The following MCU variants were observed in gnomAD, a reference collection of about 807,000 sequenced individuals.
MCU encodes calcium uniporter protein, mitochondrial.
A neutral mutation model predicts 45.2 loss-of-function variants in MCU; 12 were observed. The ratio of observed to expected loss-of-function variants is 0.27; its 90% CI spans 0.17 to 0.43. MCU has a LOEUF of 0.43. Among genes scored for constraint, MCU ranks in the 20% least tolerant of loss-of-function variants. The pLI is 1.00. For missense variants in MCU, 324 were observed against 436.7 expected (o/e 0.74, Z 2.30); for synonymous variants, 160 against 165.1 (o/e 0.97, Z 0.24).
intron 1 of MCU, among the ~76,000 whole-genome samples, chr10:72,780,662 G>A (rs1699768266): frequency 2.6e-5 from 4 of 151,938 alleles, no homozygotes; most frequent in Admixed American, 1.3e-4. Context: ...TGATTTAGAT[G>A]AAGTCACTCA....
Position 72,776,202 on chromosome 10 carries a change from C to T in MCU, c.151-58157C>T, listed in dbSNP as rs186448443. Among the ~76,000 whole-genome samples the T allele has an allele frequency of 5.0e-3, 753 of 151,802 alleles. 2 individuals are homozygous for T. The highest frequency in any genetic ancestry group is 7.7e-3 in the Non-Finnish European group (522 of 67,920). On this transcript the variant is annotated intron_variant, in intron 1 of 7. Coordinates refer to ENST00000373053, the MANE Select transcript of MCU (RefSeq NM_138357.3). ...AAAAAAAATTGAAGAGGAGATAATACTTTCAACCTTATTCTATGAGGCCAG... is the reference window on the plus strand; with the variant it reads ...AAAAAAAATTGAAGAGGAGATAATATTTTCAACCTTATTCTATGAGGCCAG...
At position 72,795,567 on chromosome 10, in the gene MCU, A is replaced by T. The variant is rs1048500850; in HGVS notation, c.151-38792A>T. Among the ~76,000 whole-genome samples, 5 of 152,344 alleles carry T rather than the reference A, an allele frequency of 3.3e-5. No individual in the cohort carries two copies. In the South Asian group the frequency reaches 1.0e-3, roughly 32 times the overall value. On this transcript the variant is annotated intron_variant, in intron 1 of 7. Transcript: ENST00000373053. ...TGATATAATTTCTGGGACTTATATC[A>T]GCAATATATTAGTGGGGGAAATGGA...
intron 1 of MCU, among the ~76,000 whole-genome samples, chr10:72,741,960 G>A (rs764625285): frequency 6.7e-5 from 10 of 150,144 alleles, no homozygotes; most frequent in South Asian, 2.1e-4. Flanking sequence ...CCCGGGAGGC[G>A]GAGCTTGTAG....
chr10:72,768,511 A>G (rs1843759825), intron 1 of MCU, among the ~76,000 whole-genome samples: 1 of 152,232 alleles, frequency 6.6e-6, no homozygotes, highest in Admixed American at 6.5e-5. Flanking sequence ...AATATTGTGT[A>G]TCTATACAGT....
chr10:72,869,814 G>T (rs1360311454), intron 5 of MCU, among the ~76,000 whole-genome samples: 3 of 151,984 alleles, frequency 2.0e-5, no homozygotes, highest in African/African-American at 4.8e-5. Flanking sequence ...GGTTTGGGGG[G>T]TATCCGGGAA....
chr10:72,746,071 T>G (rs1454802605), intron 1 of MCU, among the ~76,000 whole-genome samples: 1 of 152,226 alleles, frequency 6.6e-6, no homozygotes, highest in African/African-American at 2.4e-5. Flanking sequence ...TCTTTGCTGT[T>G]TGGTGGTAGT....
intron 1 of MCU, among the ~76,000 whole-genome samples, chr10:72,696,161 C>CA (rs58694098): frequency 0.21 from 5,737 of 27,482 alleles, 373 homozygotes; most frequent in African/African-American, 0.37. Flanking sequence ...AACTCCGACT[C>CA]AAAAAAAAAA....
In MCU at chr10:72,834,365, C is replaced by G. The variant is rs1462949167; in HGVS notation, c.157C>G (p.Gln53Glu). ...RQQQHHRTVH[Q>E]RIASWQNLGA... is the part of the protein sequence containing the mutation. ...TATCTTTTGTGTTTTCTAGGTACACCAGAGGATCGCTTCCTGGCAGAATTT... is the reference window on the plus strand; with the variant it reads ...TATCTTTTGTGTTTTCTAGGTACACGAGAGGATCGCTTCCTGGCAGAATTT... Residue 53 changes from glutamine to glutamate, a missense_variant, in exon 2 of 8, where the codon CAG (glutamine) becomes GAG (glutamate). Gln to Glu is a conservative substitution (Grantham distance 29, BLOSUM62 2). Coordinates refer to ENST00000373053, the MANE Select transcript of MCU (RefSeq NM_138357.3). 2 of 1,613,350 alleles carry G rather than the reference C, an allele frequency of 1.2e-6. No homozygotes were observed. Among genetic ancestry groups the G allele is most frequent in the East Asian group, 2.2e-5 (1 of 44,846 alleles).
chr10:72,710,995 T>C (rs1313480312), intron 1 of MCU, among the ~76,000 whole-genome samples: 1 of 151,868 alleles, frequency 6.6e-6, no homozygotes, highest in Non-Finnish European at 1.5e-5. Flanking sequence ...CTGGCCAACA[T>C]CATGAAACCC....
chr10:72,863,047 A>T (rs1333751678), intron 4 of MCU, among the ~76,000 whole-genome samples: 1 of 151,842 alleles, frequency 6.6e-6, no homozygotes, highest in Non-Finnish European at 1.5e-5. Flanking sequence ...CATGTTGCCT[A>T]CTTTCTCTCC....
At chr10:72,721,435 C>T (rs577483588) in intron 1 of MCU, among the ~76,000 whole-genome samples, 1 of 152,270 alleles carries the variant, frequency 6.6e-6, no homozygotes, top group East Asian at 1.9e-4. Context: ...TTCAGCACAT[C>T]ACTGTTGAAC....
chr10:72,885,695 T>C, intron 7 of MCU, 50 bp from the exon 8 acceptor site: 1 of 1,157,372 alleles, frequency 8.6e-7, no homozygotes, highest in African/African-American at 1.5e-5. Context: ...GACAGTAATA[T>C]CATTGAAAGC....
At chr10:72,828,504 G>A (rs1020802087) in intron 1 of MCU, among the ~76,000 whole-genome samples, 2 of 151,120 alleles carry the variant, frequency 1.3e-5, no homozygotes, top group Non-Finnish European at 2.9e-5. Context: ...CTCCCCCTCA[G>A]CATTCCCCTT....
chr10:72,840,698 G>A (rs1158139330), intron 2 of MCU, among the ~76,000 whole-genome samples: 1 of 152,172 alleles, frequency 6.6e-6, no homozygotes, highest in African/African-American at 2.4e-5. Context: ...CAGAGCCTAA[G>A]TATTTTAATG....
intron 1 of MCU, among the ~76,000 whole-genome samples, chr10:72,815,354 A>G (rs1844609285): frequency 6.6e-6 from 1 of 152,254 alleles, no homozygotes; most frequent in Non-Finnish European, 1.5e-5. Context: ...TAGAGGTATA[A>G]TAGGAGAAAA....
chr10:72,709,584 T>C (rs1249495759), intron 1 of MCU, among the ~76,000 whole-genome samples: 1 of 136,720 alleles, frequency 7.3e-6, no homozygotes, highest in Admixed American at 6.8e-5. Context: ...TTTTCTGGTG[T>C]TTTTTTTTCT....
At chr10:72,714,668 C>T (rs1842936703) in intron 1 of MCU, among the ~76,000 whole-genome samples, 1 of 152,070 alleles carries the variant, frequency 6.6e-6, no homozygotes, top group African/African-American at 2.4e-5. Flanking sequence ...CCTCAGCCTC[C>T]CAAGAAGCTG....
intron 1 of MCU, among the ~76,000 whole-genome samples, chr10:72,699,462 A>G (rs1440213267): frequency 1.3e-5 from 2 of 151,990 alleles, no homozygotes; most frequent in Non-Finnish European, 2.9e-5. Flanking sequence ...AGCCGAGATC[A>G]TGCCACTGCA....
rs570259806 is a variant in MCU, at chr10:72,705,762, A to C, written c.150+13461A>C. Among the ~76,000 whole-genome samples, 6 of 152,018 alleles carry C rather than the reference A, an allele frequency of 3.9e-5. No individual in the cohort carries two copies. In the East Asian group the frequency reaches 1.2e-3, roughly 29 times the overall value. On this transcript the variant is annotated intron_variant, in intron 1 of 7. Transcript: ENST00000373053. ...GAACCCAGAGGTGAAGGTTGCAGTG[A>C]GCTGAGATTGAGCCATTGCACTCCA... is the stretch of plus-strand genomic sequence containing the variant.
Sources: gnomAD v4.1 joint callset for allele counts (sites outside exome capture counted in the v4.1 genomes callset) on GRCh38, gnomAD v4.1.1 for gene constraint, MANE v1.5 for transcripts, NCBI Gene and HGNC (gene_info 2026-07-23, HGNC 2026-07-21) for gene names.